The following ZBTB38 variants were observed in gnomAD, a reference collection of about 807,000 sequenced individuals.
ZBTB38 encodes zinc finger and BTB domain containing 38, also known as zinc finger and BTB domain-containing protein 38.
A neutral mutation model predicts 76.8 loss-of-function variants in ZBTB38; 20 were observed. The ratio of observed to expected loss-of-function variants is 0.26; its 90% CI spans 0.18 to 0.38. The LOEUF (loss-of-function observed/expected upper bound fraction) is 0.38. Among genes scored for constraint, ZBTB38 ranks in the 10% least tolerant of loss-of-function variants. The pLI is 1.00. For synonymous variants in ZBTB38, 504 were observed against 544.2 expected, an observed-to-expected ratio of 0.93 and a Z score of 1.03; for missense variants, 1,082 against 1,482.3, an observed-to-expected ratio of 0.73 and a Z score of 4.43.
intron 2 of ZBTB38, among the ~76,000 whole-genome samples, chr3:141,371,041 C>CTTTTTTTTTTTTTT (rs1944488920): frequency 1.3e-5 from 1 of 75,458 alleles, no homozygotes; most frequent in African/African-American, 6.6e-5. Context: ...TCTTTTCTTT[C>CTTTTTTTTTTTTTT]TTTCTTTTTT....
At chr3:141,422,949 T>G (rs1270494103) in intron 5 of ZBTB38, among the ~76,000 whole-genome samples, 1 of 152,224 alleles carries the variant, frequency 6.6e-6, no homozygotes, top group Non-Finnish European at 1.5e-5. Context: ...TATTAACATA[T>G]TCTCCCAAAG....
chr3:141,430,242 T>G (rs2077208500), intron 5 of ZBTB38, among the ~76,000 whole-genome samples: 1 of 152,104 alleles, frequency 6.6e-6, no homozygotes, highest in South Asian at 2.1e-4. Flanking sequence ...ATTTTTTTTG[T>G]ACTTAGTAGA....
intron 1 of ZBTB38, among the ~76,000 whole-genome samples, chr3:141,329,474 GAAT>G (rs1942780757): frequency 6.6e-6 from 1 of 152,174 alleles, no homozygotes; most frequent in Non-Finnish European, 1.5e-5. Context: ...CCTCTGGAAA[GAAT>G]AATACTGCCA....
At position 141,443,379 on chromosome 3, in the gene ZBTB38, G is replaced by A. The variant is rs191870125; in HGVS notation, c.991G>A (p.Gly331Arg). 981 of 1,614,144 alleles carry A rather than the reference G, an allele frequency of 6.1e-4. 5 individuals are homozygous for A. The African/African-American group carries it at 9.9e-3, about 16-fold the overall frequency. The change falls in exon 6 of 6, where the codon GGG becomes AGG. Residue 331 changes from glycine (G) to arginine (R), a missense_variant. Physicochemically the swap from Gly to Arg is moderately radical, Grantham distance 125. Transcript: ENST00000321464. This position sits in a 1 kb window ranked among gnomAD's most constrained non-coding sequence, Gnocchi z 5.6. Reference sequence around the variant, plus strand: ...TGAAAATCAATCTTCTGATGTTCCCGGGCCGCCAGCCGCAGAGGTTCCACC... The same window carrying A: ...TGAAAATCAATCTTCTGATGTTCCCAGGCCGCCAGCCGCAGAGGTTCCACC... ...EDENQSSDVP[G>R]PPAAEVPPLV...
chr3:141,377,085 G>T lies in ZBTB38; in HGVS notation c.-234-4340G>T, dbSNP rs575037332. ...CTGCCCCACAGCTGTCATTTCACCT[G>T]CCCTACCCCATGGGAGCATGTACCA... On this transcript the variant is annotated intron_variant, in intron 2 of 5. Transcript: ENST00000321464. 8.4e-4 allele frequency among the ~76,000 whole-genome samples: 128 copies of T among 152,332 alleles called. 1 individual carries two copies. The highest frequency in any genetic ancestry group is 2.9e-3 in the African/African-American group (119 of 41,574).
At chr3:141,387,287 C>A (rs912012618) in intron 4 of ZBTB38, 2 of 151,822 alleles carry the variant, frequency 1.3e-5, no homozygotes, top group Admixed American at 1.3e-4. Flanking sequence ...CCCCCACAAA[C>A]CCTAAAAACA....
Position 141,444,681 on chromosome 3 carries a change from G to A in ZBTB38, c.2293G>A (p.Gly765Ser), listed in dbSNP as rs772473168. 6 of 1,613,922 alleles carry A rather than the reference G, an allele frequency of 3.7e-6. No homozygotes were observed. Among genetic ancestry groups the A allele is most frequent in the Non-Finnish European group, 5.1e-6 (6 of 1,179,960 alleles). ...CAGTAAGCCCGAGCCAGATAAAGTG[G>A]GTAGGTTTGCAAGCAGACCCAAAAG... ...DDSKPEPDKV[G>S]RFASRPKSIK... The change falls in exon 6 of 6, where the codon GGT (glycine) becomes AGT (serine). Residue 765 changes from glycine (G) to serine (S), a missense_variant. Gly to Ser is a moderately conservative substitution (Grantham distance 56). Around this residue, in one of 8 missense-constraint regions of ZBTB38, gnomAD observed 471 missense variants for 581.0 expected, o/e 0.81. Coordinates refer to ENST00000321464, the MANE Select transcript of ZBTB38 (RefSeq NM_001376113.1). The surrounding 1 kb of genome is among the most constrained non-coding windows in gnomAD (Gnocchi z 5.1).
chr3:141,334,120 CTAG>C (rs1370112508), intron 1 of ZBTB38, among the ~76,000 whole-genome samples: 1 of 151,956 alleles, frequency 6.6e-6, no homozygotes, highest in African/African-American at 2.4e-5. Flanking sequence ...TCTTCTAGCA[CTAG>C]ACAGACCATG....
chr3:141,362,095 C>CT (rs1334414142), intron 1 of ZBTB38, among the ~76,000 whole-genome samples: 1 of 152,060 alleles, frequency 6.6e-6, no homozygotes, highest in African/African-American at 2.4e-5. Context: ...ATAATGAGTC[C>CT]TGACCTGCAC....
chr3:141,349,091 C>T (rs1200749829), intron 1 of ZBTB38, among the ~76,000 whole-genome samples: 2 of 152,130 alleles, frequency 1.3e-5, no homozygotes, highest in East Asian at 3.8e-4. Flanking sequence ...GAGCACTTAG[C>T]CTTTCACCCC....
chr3:141,335,760 A>G (rs1943000103), intron 1 of ZBTB38, among the ~76,000 whole-genome samples: 1 of 152,220 alleles, frequency 6.6e-6, no homozygotes, highest in Non-Finnish European at 1.5e-5. Flanking sequence ...TCACATCCGC[A>G]TGCTGTTTCA....
chr3:141,408,371 AC>A (rs1305679294), intron 5 of ZBTB38, among the ~76,000 whole-genome samples: 1 of 152,100 alleles, frequency 6.6e-6, no homozygotes, highest in Admixed American at 6.5e-5. Context: ...ACGTGGCAAA[AC>A]CCCATCTCTA....
chr3:141,346,816 G>GT (rs1553760841), intron 1 of ZBTB38, among the ~76,000 whole-genome samples: 30 of 149,142 alleles, frequency 2.0e-4, no homozygotes, highest in African/African-American at 7.2e-4. Flanking sequence ...GTGTGTGTGT[G>GT]GTGCAATGCT....
chr3:141,426,133 C>T (rs1417736820), intron 5 of ZBTB38: 1 of 1,289,322 alleles, frequency 7.8e-7, no homozygotes, highest in Non-Finnish European at 1.0e-6. Context: ...AGACAGGCTG[C>T]CCAGAGGGGC....
intron 2 of ZBTB38, among the ~76,000 whole-genome samples, chr3:141,373,866 A>G (rs899298753): frequency 3.9e-5 from 6 of 152,224 alleles, no homozygotes; most frequent in African/African-American, 1.4e-4. Context: ...GTGGTGGCTC[A>G]CACCGGAAAT....
rs1359271021 is a variant in ZBTB38, at chr3:141,413,979, G to A, written c.-1+9948G>A. Reference sequence around the variant, plus strand: ...AACACCTGTTCTTCATTAGGACGGAGCACTCTGAGAGTTTTGAAAACTTGA... The same window carrying A: ...AACACCTGTTCTTCATTAGGACGGAACACTCTGAGAGTTTTGAAAACTTGA... On this transcript the variant is annotated intron_variant, in intron 5 of 5. Transcript: ENST00000321464. The surrounding 1 kb of genome is among the most constrained non-coding windows in gnomAD (Gnocchi z 4.1). Among the ~76,000 whole-genome samples, 1 of 152,186 alleles carries A rather than the reference G, an allele frequency of 6.6e-6. No individual in the cohort carries two copies. The highest frequency in any genetic ancestry group is 1.5e-5 in the Non-Finnish European group (1 of 68,042).
intron 1 of ZBTB38, among the ~76,000 whole-genome samples, chr3:141,362,323 C>T (rs1230268686): frequency 6.6e-6 from 1 of 152,096 alleles, no homozygotes; most frequent in Non-Finnish European, 1.5e-5. Context: ...TCCCAAAATT[C>T]ACCCAAATGA....
chr3:141,330,611 A>G (rs1014926534), intron 1 of ZBTB38, among the ~76,000 whole-genome samples: 4 of 152,186 alleles, frequency 2.6e-5, no homozygotes, highest in Non-Finnish European at 4.4e-5. Context: ...TGTTCTTGCC[A>G]CCCTGCCCAA....
At chr3:141,382,128 G>A (rs759254583) in intron 3 of ZBTB38, among the ~76,000 whole-genome samples, 1 of 152,180 alleles carries the variant, frequency 6.6e-6, no homozygotes, top group Non-Finnish European at 1.5e-5. Context: ...AGTGTTATGA[G>A]CCTATAATCC....
Sources: allele counts gnomAD v4.1 joint callset (sites outside exome capture counted in the v4.1 genomes callset), GRCh38; gene constraint gnomAD v4.1.1; regional missense constraint gnomAD v4.1.1; non-coding constraint Gnocchi (gnomAD v3.1); transcripts MANE v1.5; gene names NCBI Gene and HGNC (gene_info 2026-07-23, HGNC 2026-07-21).